The following EPB41L2 variants were observed in gnomAD, a reference collection of about 807,000 sequenced individuals.
EPB41L2 encodes the protein erythrocyte membrane protein band 4.1 like 2, also known as band 4.1-like protein 2.
In EPB41L2, 43 loss-of-function variants were observed where a neutral mutation model predicts 113.0. The observed-to-expected ratio is 0.38, with a 90% confidence interval of 0.30 to 0.49. EPB41L2 has a LOEUF of 0.49. EPB41L2 is among the 20% of genes least tolerant of loss of function. The pLI is 0.95. For missense variants in EPB41L2, 1,147 were observed against 1,223.4 expected (o/e 0.94, Z 0.93); for synonymous variants, 442 against 436.7 (o/e 1.01, Z -0.15).
rs146058404 is a variant in EPB41L2 at position 130,946,491 on chromosome 6, G to A, written c.705+8614C>T. On this transcript the variant is annotated intron_variant, in intron 3 of 19. Transcript: ENST00000337057. ...AAAGAACACAAATTTCAAAGATGGC[G>A]ATTTGTTTTTAAAAACAGTACTGTA... 3.1e-3 allele frequency among the ~76,000 whole-genome samples: 475 copies of A among 152,098 alleles called. 1 individual carries two copies. The highest frequency in any genetic ancestry group is 0.011 in the African/African-American group (458 of 41,490).
intron 10 of EPB41L2, among the ~76,000 whole-genome samples, chr6:130,893,054 A>G (rs972974588): frequency 6.6e-6 from 1 of 152,236 alleles, no homozygotes; most frequent in Non-Finnish European, 1.5e-5. Context: ...AGCAAACTAC[A>G]TGTAAAAAAC....
chr6:131,009,340 T>C (rs1786365913), intron 1 of EPB41L2, among the ~76,000 whole-genome samples: 2 of 152,144 alleles, frequency 1.3e-5, no homozygotes, highest in African/African-American at 4.8e-5. Flanking sequence ...CCATGTGGAA[T>C]TGTGAGTCAA....
At chr6:130,992,042 G>C (rs2128696787) in intron 1 of EPB41L2, among the ~76,000 whole-genome samples, 1 of 152,188 alleles carries the variant, frequency 6.6e-6, no homozygotes, top group South Asian at 2.1e-4. Flanking sequence ...TCTTTCTATG[G>C]AAGGACAGCC....
intron 1 of EPB41L2, among the ~76,000 whole-genome samples, chr6:131,001,104 CTCTTT>C (rs1178428120): frequency 1.4e-5 from 2 of 146,134 alleles, no homozygotes; most frequent in African/African-American, 5.1e-5. Context: ...CTAGACACTT[CTCTTT>C]TATTTTAAGA....
At position 131,059,805 on chromosome 6, in the gene EPB41L2, A is replaced by G. The variant is rs9492798; in HGVS notation, c.-15+3350T>C. ...TTGCTGACTACGAAAGCCAGCATAAACATTTACTTCAGGCTTTGAAATCTG... is the reference window on the plus strand; with the variant it reads ...TTGCTGACTACGAAAGCCAGCATAAGCATTTACTTCAGGCTTTGAAATCTG... On this transcript the variant is annotated intron_variant, in intron 1 of 19. Transcript: ENST00000337057. Among the ~76,000 whole-genome samples the G allele has an allele frequency of 7.6e-3, 1,154 of 152,330 alleles. 10 individuals carry two copies. Among genetic ancestry groups the G allele is most frequent in the African/African-American group, 0.024 (1,010 of 41,570 alleles).
At chr6:130,964,554 A>G (rs1436920877) in intron 1 of EPB41L2, among the ~76,000 whole-genome samples, 1 of 151,988 alleles carries the variant, frequency 6.6e-6, no homozygotes, top group Non-Finnish European at 1.5e-5. Context: ...ATTAGATGCT[A>G]TAATACATAA....
chr6:130,984,599 T>C (rs930514783), intron 1 of EPB41L2, among the ~76,000 whole-genome samples: 4 of 152,344 alleles, frequency 2.6e-5, no homozygotes, highest in African/African-American at 9.6e-5. Context: ...ATGACTGTAT[T>C]TGGGGAGATC....
intron 1 of EPB41L2, among the ~76,000 whole-genome samples, chr6:130,991,038 C>T (rs149977285): frequency 6.6e-6 from 1 of 152,084 alleles, no homozygotes; most frequent in Non-Finnish European, 1.5e-5. Context: ...ACCATGTTAT[C>T]CAGGATGGTC....
intron 1 of EPB41L2, among the ~76,000 whole-genome samples, chr6:131,003,431 A>G (rs919196994): frequency 6.6e-6 from 1 of 152,232 alleles, no homozygotes; most frequent in Non-Finnish European, 1.5e-5. Flanking sequence ...GACATTTTCA[A>G]TCAGAGCTCT....
intron 18 of EPB41L2, among the ~76,000 whole-genome samples, chr6:130,860,563 C>T (rs1174976321): frequency 1.3e-5 from 2 of 152,172 alleles, no homozygotes; most frequent in Admixed American, 6.5e-5. Flanking sequence ...GACGGAGTCT[C>T]GCTCTGTCGC....
At chr6:130,902,034 C>T (rs1274787115) in intron 6 of EPB41L2, among the ~76,000 whole-genome samples, 1 of 152,222 alleles carries the variant, frequency 6.6e-6, no homozygotes, top group Non-Finnish European at 1.5e-5. Flanking sequence ...GTTTCCCCCA[C>T]CTTTTAAGCC....
intron 15 of EPB41L2, chr6:130,868,702 T>C (rs994696865): frequency 3.9e-5 from 6 of 152,190 alleles, no homozygotes; most frequent in African/African-American, 1.4e-4. Flanking sequence ...GCATTTAATA[T>C]TAAAATCAAG....
chr6:130,928,455 T>C (rs1024232523), intron 3 of EPB41L2, among the ~76,000 whole-genome samples: 1 of 152,202 alleles, frequency 6.6e-6, no homozygotes, highest in Non-Finnish European at 1.5e-5. Context: ...ACATAACAAT[T>C]GGTTATGATG....
intron 19 of EPB41L2, among the ~76,000 whole-genome samples, chr6:130,842,131 C>A (rs922992100): frequency 1.3e-5 from 2 of 152,020 alleles, no homozygotes; most frequent in Admixed American, 1.3e-4. Flanking sequence ...TTAAGTCTTG[C>A]TTTAATGAAA....
chr6:130,850,266 C>T lies in EPB41L2; in HGVS notation c.*5+7865G>A, dbSNP rs550462088. Among the ~76,000 whole-genome samples the T allele has an allele frequency of 7.2e-5, 11 of 152,142 alleles. No individual in the cohort carries two copies. In the East Asian group the frequency reaches 1.5e-3, roughly 21 times the overall value. On this transcript the variant is annotated intron_variant, in intron 19 of 19. Transcript: ENST00000337057. ...AAAAACAAAGACAAAAAACAACCTT[C>T]GTGGCATACCAACTCCACTTTTAAA...
At chr6:130,873,903 A>G (rs1170683036) in intron 14 of EPB41L2, among the ~76,000 whole-genome samples, 1 of 152,178 alleles carries the variant, frequency 6.6e-6, no homozygotes, top group Non-Finnish European at 1.5e-5. Context: ...TCAGCAGAGG[A>G]AAAAGCTTTT....
intron 4 of EPB41L2, among the ~76,000 whole-genome samples, chr6:130,921,384 C>T (rs1319978393): frequency 6.6e-6 from 1 of 152,168 alleles, no homozygotes; most frequent in Non-Finnish European, 1.5e-5. Context: ...ACAAAGTCAT[C>T]CCAAATTAAC....
chr6:130,989,211 CAT>C (rs1366391206), intron 1 of EPB41L2, among the ~76,000 whole-genome samples: 13 of 152,218 alleles, frequency 8.5e-5, no homozygotes, highest in Non-Finnish European at 1.5e-5. Flanking sequence ...ATTGTGGACA[CAT>C]GTGATAACTG....
intron 1 of EPB41L2, among the ~76,000 whole-genome samples, chr6:131,003,694 A>G (rs1351404526): frequency 2.0e-5 from 3 of 152,172 alleles, no homozygotes; most frequent in African/African-American, 7.2e-5. Flanking sequence ...TCATATTGTC[A>G]TCTCCCTACT....
Sources: allele counts gnomAD v4.1 joint callset (sites outside exome capture counted in the v4.1 genomes callset), GRCh38; gene constraint gnomAD v4.1.1; transcripts MANE v1.5; gene names NCBI Gene and HGNC (gene_info 2026-07-23, HGNC 2026-07-21).